Variants in CDK14 observed in about 807,000 individuals in gnomAD.
The protein encoded by CDK14 is cyclin-dependent kinase 14.
CDK14 carries 34 observed loss-of-function variants against 60.7 expected under a neutral mutation model. That is an observed-to-expected ratio of 0.56 (90% confidence interval 0.43 to 0.75). CDK14 has a LOEUF of 0.75. Among genes scored for constraint, CDK14 ranks in the 30% least tolerant of loss-of-function variants. The probability of loss-of-function intolerance (pLI) is 0.00; values close to 1 mark genes in which losing one functional copy is unlikely to be tolerated. For missense variants in CDK14, 482 were observed against 564.1 expected, an observed-to-expected ratio of 0.85 and a Z score of 1.47; for synonymous variants, 197 against 203.7, an observed-to-expected ratio of 0.97 and a Z score of 0.28.
chr7:90,899,224 A>G, intron 6 of CDK14, 67 bp from the exon 7 acceptor site: 1 of 1,275,128 alleles, frequency 7.8e-7, no homozygotes, highest in Admixed American at 2.3e-5. Flanking sequence ...AGTTTGAAGT[A>G]GGAAAATATT....
intron 11 of CDK14, among the ~76,000 whole-genome samples, chr7:91,064,944 G>T (rs1337300311): frequency 3.3e-5 from 5 of 152,182 alleles, no homozygotes; most frequent in Admixed American, 6.5e-5. Context: ...AAGAGAAGTA[G>T]TCTATGACTT....
At chr7:90,992,452 A>T (rs1422194128) in intron 10 of CDK14, among the ~76,000 whole-genome samples, 1 of 152,206 alleles carries the variant, frequency 6.6e-6, no homozygotes. Context: ...TCATGGTTTG[A>T]GGAGACCGCA....
chr7:91,144,421 A>G (rs1203172358), intron 14 of CDK14, among the ~76,000 whole-genome samples: 1 of 152,190 alleles, frequency 6.6e-6, no homozygotes, highest in Non-Finnish European at 1.5e-5. Flanking sequence ...AGATTCTATT[A>G]TTATGGGCCA....
At chr7:90,686,809 A>G (rs1388463287) in intron 2 of CDK14, among the ~76,000 whole-genome samples, 5 of 152,166 alleles carry the variant, frequency 3.3e-5, no homozygotes, top group Admixed American at 6.5e-5. Flanking sequence ...GGGAGAATCA[A>G]TGGAACTTTT....
intron 6 of CDK14, among the ~76,000 whole-genome samples, chr7:90,893,705 T>C (rs1792209459): frequency 6.6e-6 from 1 of 152,202 alleles, no homozygotes; most frequent in African/African-American, 2.4e-5. Flanking sequence ...CACAATACTA[T>C]GTATTTAAAA....
intron 2 of CDK14, among the ~76,000 whole-genome samples, chr7:90,668,696 A>ATTATTAT (rs1554431005): frequency 1.5e-5 from 1 of 68,450 alleles, no homozygotes; most frequent in Non-Finnish European, 2.7e-5. Context: ...AAGGACTCGC[A>ATTATTAT]TTCTTTTTTT....
rs183290955 is a variant in CDK14, at chr7:90,872,988, A to C, written c.639+9719A>C. ...ATGGTAGAGAAATCACAGAAAAGAT[A>C]AAACAGTAATAAAAAGATAATTCCT... is the stretch of plus-strand genomic sequence containing the variant. On this transcript the variant is annotated intron_variant, in intron 6 of 14. Coordinates refer to ENST00000380050, the MANE Select transcript of CDK14 (RefSeq NM_001287135.2). Among the ~76,000 whole-genome samples, 523 of 152,332 alleles carry C rather than the reference A, an allele frequency of 3.4e-3. 2 individuals are homozygous for C. Among genetic ancestry groups the C allele is most frequent in the Non-Finnish European group, 5.8e-3 (392 of 68,018 alleles).
chr7:91,045,018 T>G (rs189544667), intron 10 of CDK14, among the ~76,000 whole-genome samples: 4 of 152,312 alleles, frequency 2.6e-5, no homozygotes, highest in African/African-American at 7.2e-5. Flanking sequence ...TGGAGCTCAG[T>G]GGGGTTATTT....
chr7:90,971,848 A>T (rs781768641), intron 9 of CDK14, among the ~76,000 whole-genome samples: 47 of 152,230 alleles, frequency 3.1e-4, no homozygotes, highest in Non-Finnish European at 6.8e-4. Flanking sequence ...GCACTTTAAG[A>T]TTGTTGGGCT....
At chr7:91,113,552 A>C (rs1319314238) in intron 13 of CDK14, among the ~76,000 whole-genome samples, 1 of 152,174 alleles carries the variant, frequency 6.6e-6, no homozygotes, top group Non-Finnish European at 1.5e-5. Flanking sequence ...GTTCTTTCCA[A>C]AGAACAATTA....
intron 11 of CDK14, among the ~76,000 whole-genome samples, chr7:91,057,023 C>T (rs1381445686): frequency 6.6e-6 from 1 of 152,062 alleles, no homozygotes; most frequent in African/African-American, 2.4e-5. Flanking sequence ...ACAGTCCCAC[C>T]AACAGTGTAA....
At chr7:90,604,182 C>T in intron 1 of CDK14, 36 bp from the exon 2 acceptor site, 1 of 1,417,410 alleles carries the variant, frequency 7.1e-7, no homozygotes, top group Non-Finnish European at 9.6e-7. Context: ...TGGAATTTTT[C>T]ACAATAACTG....
intron 14 of CDK14, among the ~76,000 whole-genome samples, chr7:91,172,731 T>A (rs1239799613): frequency 6.6e-6 from 1 of 152,226 alleles, no homozygotes; most frequent in African/African-American, 2.4e-5. Flanking sequence ...AGCTCCCTAC[T>A]GTGGAAATGC....
chr7:91,054,357 C>A (rs550684716), intron 11 of CDK14, among the ~76,000 whole-genome samples: 1 of 152,062 alleles, frequency 6.6e-6, no homozygotes, highest in African/African-American at 2.4e-5. Flanking sequence ...TGACACAAGC[C>A]TTAGGGTATT....
intron 9 of CDK14, among the ~76,000 whole-genome samples, chr7:90,978,123 A>G (rs923143974): frequency 9.2e-5 from 14 of 152,184 alleles, no homozygotes; most frequent in African/African-American, 3.4e-4. Context: ...GGCAAAGGGA[A>G]CAACAATCCG....
chr7:91,018,610 G>C (rs1347446839), intron 10 of CDK14, among the ~76,000 whole-genome samples: 1 of 152,144 alleles, frequency 6.6e-6, no homozygotes, highest in Admixed American at 6.5e-5. Context: ...TGAGAGGAGG[G>C]GCCTGGCAGG....
intron 10 of CDK14, among the ~76,000 whole-genome samples, chr7:91,022,957 G>A (rs533099388): frequency 7.2e-5 from 11 of 152,026 alleles, no homozygotes; most frequent in South Asian, 4.2e-4. Flanking sequence ...GACTGATGCC[G>A]TATGGCTAGA....
At position 90,596,655 on chromosome 7, in the gene CDK14, G is replaced by T; in HGVS notation, c.28G>T (p.Ala10Ser). ...GTGTGACCTCATTGAGCCGCAGCCGGCCGAGAAGATCGGCAAGATGAAGAA... is the reference window on the plus strand; with the variant it reads ...GTGTGACCTCATTGAGCCGCAGCCGTCCGAGAAGATCGGCAAGATGAAGAA... MCDLIEPQPAEKIGKMKKLR... is the reference protein window; with the variant it reads MCDLIEPQPSEKIGKMKKLR... The change falls in exon 1 of 15, where the codon GCC (alanine) becomes TCC (serine). Residue 10 changes from alanine (A) to serine (S), a missense_variant. Physicochemically the swap from Ala to Ser is moderately conservative, Grantham distance 99. Transcript: ENST00000380050. The T allele has an allele frequency of 6.2e-7, 1 of 1,612,218 alleles. No individual in the cohort carries two copies. Among genetic ancestry groups the T allele is most frequent in the Non-Finnish European group, 8.5e-7 (1 of 1,179,450 alleles).
At chr7:90,893,190 G>C (rs1354662563) in intron 6 of CDK14, among the ~76,000 whole-genome samples, 6 of 152,118 alleles carry the variant, frequency 3.9e-5, no homozygotes, top group Non-Finnish European at 8.8e-5. Flanking sequence ...AAGGCATTCA[G>C]GTGTAACCTT....
Sources: gnomAD v4.1 joint callset for allele counts (sites outside exome capture counted in the v4.1 genomes callset) on GRCh38, gnomAD v4.1.1 for gene constraint, MANE v1.5 for transcripts, NCBI Gene and HGNC (gene_info 2026-07-23, HGNC 2026-07-21) for gene names.